Variants in TANC2 observed in about 807,000 individuals in gnomAD.
TANC2 encodes the protein tetratricopeptide repeat, ankyrin repeat and coiled-coil containing 2.
In TANC2, 26 loss-of-function variants were observed where a neutral mutation model predicts 210.5. The ratio of observed to expected loss-of-function variants is 0.12; its 90% confidence interval spans 0.09 to 0.17. TANC2 has a LOEUF of 0.17. TANC2 is among the 10% of genes least tolerant of loss of function. The probability of loss-of-function intolerance (pLI) is 1.00; values close to 1 mark genes in which losing one functional copy is unlikely to be tolerated. For synonymous variants in TANC2, 931 were observed against 967.1 expected (o/e 0.96, Z 0.69); for missense variants, 2,129 against 2,608.9 (o/e 0.82, Z 4.01).
At chr17:63,015,293 A>G (rs960060124) in intron 2 of TANC2, among the ~76,000 whole-genome samples, 7 of 151,976 alleles carry the variant, frequency 4.6e-5, no homozygotes, top group Non-Finnish European at 8.8e-5. Context: ...TAGTTTTTAT[A>G]TCAAATTTAT....
intron 1 of TANC2, among the ~76,000 whole-genome samples, chr17:63,008,175 G>C (rs2033708517): frequency 6.6e-6 from 1 of 151,602 alleles, no homozygotes; most frequent in Admixed American, 6.6e-5. Flanking sequence ...TTTCTTTGTG[G>C]TTATTCTGCT....
chr17:63,105,365 A>G (rs1430039318), intron 4 of TANC2, among the ~76,000 whole-genome samples: 1 of 151,804 alleles, frequency 6.6e-6, no homozygotes, highest in African/African-American at 2.4e-5. Flanking sequence ...TAAAAAGGAA[A>G]CATTTACTTG....
At chr17:63,153,670 A>G (rs1293574890) in intron 5 of TANC2, 1 of 152,192 alleles carries the variant, frequency 6.6e-6, no homozygotes, top group African/African-American at 2.4e-5. Flanking sequence ...CTCACTGTAC[A>G]GTCATTGTTC....
chr17:63,250,881 G>A (rs1258220379), intron 8 of TANC2, among the ~76,000 whole-genome samples: 1 of 152,110 alleles, frequency 6.6e-6, no homozygotes, highest in Non-Finnish European at 1.5e-5. Flanking sequence ...AAAAGGAAAA[G>A]GGGGATCATG....
rs776586652 is a variant in TANC2 at position 63,418,210 on chromosome 17, G to T, written c.4168-97G>T. 7.9e-5 allele frequency: 102 copies of T among 1,299,132 alleles called. No homozygotes were observed. The highest frequency in any genetic ancestry group is 1.1e-4 in the Non-Finnish European group (100 of 930,130). The allele number at this position is 1,299,132 out of a possible 1,614,324, so 80.5% of individuals were successfully genotyped here. On this transcript the variant is annotated intron_variant, in intron 26 of 27. Coordinates refer to ENST00000689528, the Ensembl canonical transcript of TANC2. This position sits in a 1 kb window ranked among gnomAD's most constrained non-coding sequence, Gnocchi z 4.6. ...CTAGCGTCCCAGGCGTTCCATCCATGAATGTCAAAAAATGTACAAATAATT... is the reference window on the plus strand; with the variant it reads ...CTAGCGTCCCAGGCGTTCCATCCATTAATGTCAAAAAATGTACAAATAATT...
At chr17:63,215,191 A>C (rs890329091) in intron 7 of TANC2, among the ~76,000 whole-genome samples, 1 of 152,252 alleles carries the variant, frequency 6.6e-6, no homozygotes, top group Non-Finnish European at 1.5e-5. Flanking sequence ...CAGAACTTCA[A>C]AATGAGAGAA....
At chr17:62,981,189 A>T (rs2032280071) in intron 1 of TANC2, among the ~76,000 whole-genome samples, 1 of 152,138 alleles carries the variant, frequency 6.6e-6, no homozygotes, top group Admixed American at 6.5e-5. Flanking sequence ...CCTTGCATTC[A>T]CATTGTCAGT....
chr17:63,415,786 G>C, intron 26 of TANC2, 112 bp downstream of exon 26: 2 of 1,344,558 alleles, frequency 1.5e-6, no homozygotes, highest in East Asian at 2.3e-5. Flanking sequence ...TTTGGAACTT[G>C]GTTGTCCTTC....
chr17:63,087,849 A>G (rs1418781260), intron 3 of TANC2, among the ~76,000 whole-genome samples: 1 of 152,064 alleles, frequency 6.6e-6, no homozygotes, highest in Admixed American at 6.6e-5. Flanking sequence ...CTCTATAGTC[A>G]CCTGTCTCTC....
chr17:63,064,019 A>G (rs2036104913), intron 2 of TANC2, among the ~76,000 whole-genome samples: 1 of 152,228 alleles, frequency 6.6e-6, no homozygotes, highest in Non-Finnish European at 1.5e-5. Context: ...CAGGTTCTAC[A>G]TAATGATTGC....
intron 7 of TANC2, among the ~76,000 whole-genome samples, chr17:63,212,086 G>A (rs2041903856): frequency 6.6e-6 from 1 of 151,966 alleles, no homozygotes; most frequent in Non-Finnish European, 1.5e-5. Context: ...GTGTCCAAGT[G>A]TTCTCATTGT....
intron 14 of TANC2, among the ~76,000 whole-genome samples, chr17:63,366,005 G>A (rs993736341): frequency 2.6e-5 from 4 of 152,036 alleles, no homozygotes; most frequent in Admixed American, 2.6e-4. Flanking sequence ...ATTGCTCACT[G>A]TGTCTTCCTA....
chr17:63,094,192 A>C (rs531639339), intron 3 of TANC2, among the ~76,000 whole-genome samples: 8 of 152,128 alleles, frequency 5.3e-5, no homozygotes, highest in African/African-American at 1.9e-4. Context: ...TTACATAGGC[A>C]ATCATGTTGT....
At chr17:62,983,316 TG>T (rs2032400861) in intron 1 of TANC2, among the ~76,000 whole-genome samples, 1 of 152,110 alleles carries the variant, frequency 6.6e-6, no homozygotes, top group African/African-American at 2.4e-5. Context: ...TTGAATTCGT[TG>T]ATCAATTTTA....
rs1599089713 is a variant in TANC2 at position 63,418,837 on chromosome 17, G to T, written c.4268+430G>T. Among the ~76,000 whole-genome samples the T allele has an allele frequency of 6.6e-6, 1 of 152,118 alleles. No individual in the cohort carries two copies. ...CTTCCTTCTCCCATAGGCGTTTGAG[G>T]AATCCCGGATTAGTTAGTCTTCCCT... On this transcript the variant is annotated intron_variant, in intron 27 of 27. Coordinates refer to ENST00000689528, the Ensembl canonical transcript of TANC2. This position sits in a 1 kb window ranked among gnomAD's most constrained non-coding sequence, Gnocchi z 4.6.
intron 12 of TANC2, among the ~76,000 whole-genome samples, chr17:63,345,371 A>G (rs1330627139): frequency 4.6e-5 from 7 of 152,140 alleles, no homozygotes; most frequent in East Asian, 1.9e-4. Context: ...TGTAATCCCA[A>G]CACTTTGGGA....
chr17:63,079,443 T>A (rs1598363939), intron 3 of TANC2, among the ~76,000 whole-genome samples: 1 of 152,218 alleles, frequency 6.6e-6, no homozygotes. Context: ...CATCATTCTT[T>A]CCAGGATTTT....
exon 28 of TANC2, chr17:63,427,081 T>A (rs572589640): frequency 1.3e-5 from 2 of 152,246 alleles, no homozygotes; most frequent in African/African-American, 2.4e-5. Flanking sequence ...TTTGTTTTGT[T>A]TTTTGTTTCC....
intron 2 of TANC2, among the ~76,000 whole-genome samples, chr17:63,060,824 G>A (rs140785034): frequency 6.6e-6 from 1 of 152,216 alleles, no homozygotes; most frequent in East Asian, 1.9e-4. Flanking sequence ...ATACTTAAAG[G>A]TAAGTTTTAC....
Sources: gnomAD v4.1 joint callset for allele counts (sites outside exome capture counted in the v4.1 genomes callset) on GRCh38, gnomAD v4.1.1 for gene constraint, Gnocchi (gnomAD v3.1) non-coding constraint, MANE v1.5 for transcripts, NCBI Gene and HGNC (gene_info 2026-07-23, HGNC 2026-07-21) for gene names.